Variants in ARL15 observed in about 807,000 individuals in gnomAD.
The protein encoded by ARL15 is ARF like GTPase 15.
In ARL15, 19 loss-of-function variants were observed where a neutral mutation model predicts 25.2. The ratio of observed to expected loss-of-function variants is 0.75; its 90% CI spans 0.53 to 1.10. ARL15 has a LOEUF of 1.10. Ranked by LOEUF, ARL15 falls within the 50% of genes least tolerant of loss-of-function variation. The probability of loss-of-function intolerance (pLI) is 0.00; values close to 1 mark genes in which losing one functional copy is unlikely to be tolerated. For synonymous variants in ARL15, 94 were observed against 86.8 expected (o/e 1.08, Z -0.46); for missense variants, 220 against 246.0 (o/e 0.89, Z 0.71).
At chr5:54,042,919 G>C (rs1750388750) in intron 4 of ARL15, among the ~76,000 whole-genome samples, 1 of 151,752 alleles carries the variant, frequency 6.6e-6, no homozygotes, top group African/African-American at 2.4e-5. Flanking sequence ...CATGTATATA[G>C]GTTCAAAAAA....
chr5:54,221,719 C>G (rs879480793), intron 1 of ARL15, among the ~76,000 whole-genome samples: 1 of 151,964 alleles, frequency 6.6e-6, no homozygotes, highest in African/African-American at 2.4e-5. Flanking sequence ...TATAAACAAG[C>G]CACATTTAAT....
In ARL15 at chr5:54,174,505, GTTTAT is replaced by G. The variant is rs371462414; in HGVS notation, c.49-2582_49-2578del. On this transcript the variant is annotated intron_variant, in intron 1 of 4. Coordinates refer to ENST00000504924, the MANE Select transcript of ARL15 (RefSeq NM_019087.3). ...ATTCTATGACCCATATTCTTCATGG[GTTTAT>G]TCATGCTAATTGTATTTCCTCTCAG... 2.0e-3 allele frequency among the ~76,000 whole-genome samples: 307 copies of G among 152,204 alleles called. 2 individuals are homozygous for G. The highest frequency in any genetic ancestry group is 7.1e-3 in the African/African-American group (293 of 41,550).
intron 1 of ARL15, among the ~76,000 whole-genome samples, chr5:54,247,603 C>T (rs1757123562): frequency 6.7e-6 from 1 of 148,906 alleles, no homozygotes; most frequent in Non-Finnish European, 1.5e-5. Flanking sequence ...AACCCGAACA[C>T]GTTTAGAAAC....
intron 4 of ARL15, among the ~76,000 whole-genome samples, chr5:54,029,283 A>ATTT (rs1749884922): frequency 6.6e-6 from 1 of 151,572 alleles, no homozygotes; most frequent in Non-Finnish European, 1.5e-5. Flanking sequence ...ATGTCTGGAA[A>ATTT]ATAGTTAATT....
At chr5:54,138,401 C>A (rs1012441540) in intron 3 of ARL15, among the ~76,000 whole-genome samples, 26 of 152,094 alleles carry the variant, frequency 1.7e-4, no homozygotes, top group African/African-American at 6.3e-4. Flanking sequence ...TGGCAAAGCA[C>A]ACAAAAATAT....
rs1753539227 is a variant in ARL15 at position 54,134,568 on chromosome 5, C to CTGTT, written c.253+20011_253+20012insAACA. 7.7e-5 allele frequency among the ~76,000 whole-genome samples: 4 copies of CTGTT among 51,798 alleles called. No individual in the cohort carries two copies. The South Asian group carries it at 3.6e-3, about 46-fold the overall frequency. The allele number at this position is 51,798 out of a possible 152,430, so 34.0% of individuals were successfully genotyped here. A position where few individuals can be genotyped will look rare whatever the true frequency, so the allele number is the denominator to read the frequency against. Reference sequence around the variant, plus strand: ...GTGAGCTCCCTGAAGGAATGATTAGCTTTTTTTTTTTTTTTTTTTTTTTTT... The same window carrying CTGTT: ...GTGAGCTCCCTGAAGGAATGATTAGCTGTTTTTTTTTTTTTTTTTTTTTTTTTTT... On this transcript the variant is annotated intron_variant, in intron 3 of 4. Coordinates refer to ENST00000504924, the MANE Select transcript of ARL15 (RefSeq NM_019087.3).
intron 1 of ARL15, among the ~76,000 whole-genome samples, chr5:54,216,004 G>A (rs556084865): frequency 8.5e-5 from 13 of 152,218 alleles, no homozygotes; most frequent in African/African-American, 3.1e-4. Flanking sequence ...ACAAACATAA[G>A]AGCAAGTCTG....
At chr5:54,302,767 C>A (rs562994897) in intron 1 of ARL15, among the ~76,000 whole-genome samples, 1 of 134,770 alleles carries the variant, frequency 7.4e-6, no homozygotes, top group Non-Finnish European at 1.5e-5. Flanking sequence ...CTGAACCCAG[C>A]GGTTGCATGG....
chr5:53,933,270 T>G (rs1174993180), intron 4 of ARL15, among the ~76,000 whole-genome samples: 2 of 151,972 alleles, frequency 1.3e-5, no homozygotes, highest in Non-Finnish European at 2.9e-5. Flanking sequence ...AAAAAAGACA[T>G]AGGATATAGG....
At chr5:54,208,041 G>A (rs928426832) in intron 1 of ARL15, among the ~76,000 whole-genome samples, 1 of 152,034 alleles carries the variant, frequency 6.6e-6, no homozygotes, top group African/African-American at 2.4e-5. Context: ...TTTCCCCCTT[G>A]CTTCCCCCAC....
intron 1 of ARL15, among the ~76,000 whole-genome samples, chr5:54,257,619 G>A (rs545270522): frequency 2.6e-5 from 4 of 152,184 alleles, no homozygotes; most frequent in Non-Finnish European, 5.9e-5. Context: ...CAGATAAGTT[G>A]TATGATGCAT....
At position 54,222,781 on chromosome 5, in the gene ARL15, C is replaced by A. The variant is rs551572280; in HGVS notation, c.49-50853G>T. 3.3e-5 allele frequency among the ~76,000 whole-genome samples: 5 copies of A among 152,218 alleles called. No homozygotes were observed. The East Asian group carries it at 9.6e-4, about 29-fold the overall frequency. ...CTAGTGAAAAATGGGAAAACTCTTC[C>A]CCACACCTTTATCTCAAGCCTTGGC... On this transcript the variant is annotated intron_variant, in intron 1 of 4. Transcript: ENST00000504924.
At position 53,937,332 on chromosome 5, in the gene ARL15, T is replaced by C. The variant is rs530645838; in HGVS notation, c.463-50619A>G. Among the ~76,000 whole-genome samples the C allele has an allele frequency of 3.3e-5, 5 of 152,136 alleles. No homozygotes were observed. In the South Asian group the frequency reaches 8.3e-4, roughly 25 times the overall value. ...ACACACACACAGCCTGATGTGGAGT[T>C]TTAAAAAGTCTCATTTGGTTTTCAT... On this transcript the variant is annotated intron_variant, in intron 4 of 4. Coordinates refer to ENST00000504924, the MANE Select transcript of ARL15 (RefSeq NM_019087.3).
chr5:54,275,743 G>A (rs934828408), intron 1 of ARL15, among the ~76,000 whole-genome samples: 1 of 151,492 alleles, frequency 6.6e-6, no homozygotes, highest in African/African-American at 2.4e-5. Flanking sequence ...GGAGTGCAGG[G>A]GTGCAATCTC....
At chr5:54,029,645 G>C (rs1749908973) in intron 4 of ARL15, among the ~76,000 whole-genome samples, 2 of 152,062 alleles carry the variant, frequency 1.3e-5, no homozygotes, top group African/African-American at 4.8e-5. Context: ...GATCTCTTGA[G>C]GCCAGCAGTT....
intron 4 of ARL15, chr5:53,912,032 T>C (rs997572856): frequency 6.6e-6 from 1 of 151,956 alleles, no homozygotes; most frequent in Non-Finnish European, 1.5e-5. Context: ...TTTAATGGAA[T>C]ACTTTATGAA....
chr5:53,954,442 A>C (rs1747079037), intron 4 of ARL15, among the ~76,000 whole-genome samples: 1 of 152,170 alleles, frequency 6.6e-6, no homozygotes, highest in South Asian at 2.1e-4. Context: ...CTTTCTAAGA[A>C]TATTTCCATG....
intron 4 of ARL15, among the ~76,000 whole-genome samples, chr5:54,030,034 G>A (rs1443513057): frequency 2.0e-5 from 3 of 151,962 alleles, no homozygotes; most frequent in Non-Finnish European, 4.4e-5. Flanking sequence ...AATTAGCCAG[G>A]TATGGTAGTG....
At chr5:54,287,416 T>C (rs1329558755) in intron 1 of ARL15, among the ~76,000 whole-genome samples, 4 of 151,604 alleles carry the variant, frequency 2.6e-5, no homozygotes, top group East Asian at 3.9e-4. Flanking sequence ...CAGGAAAGAC[T>C]TGGAAGCATC....
Sources: allele counts gnomAD v4.1 joint callset (sites outside exome capture counted in the v4.1 genomes callset), GRCh38; gene constraint gnomAD v4.1.1; transcripts MANE v1.5; gene names NCBI Gene and HGNC (gene_info 2026-07-23, HGNC 2026-07-21).